Variants in HPSE2 observed in about 807,000 individuals in gnomAD.
HPSE2 encodes inactive heparanase-2.
In HPSE2, 38 loss-of-function variants were observed where a neutral mutation model predicts 60.5. The ratio of observed to expected loss-of-function variants is 0.63; its 90% CI spans 0.48 to 0.82. The LOEUF (loss-of-function observed/expected upper bound fraction) is 0.82. Ranked by LOEUF, HPSE2 falls within the 40% of genes least tolerant of loss-of-function variation. HPSE2 has a pLI of 0.00. For synonymous variants in HPSE2, 295 were observed against 293.2 expected, an observed-to-expected ratio of 1.01 and a Z score of -0.06; for missense variants, 713 against 740.4, an observed-to-expected ratio of 0.96 and a Z score of 0.43.
At chr10:98,717,928 G>A (rs11189769) in intron 5 of HPSE2, among the ~76,000 whole-genome samples, 1 of 144,502 alleles carries the variant, frequency 6.9e-6, no homozygotes, top group Non-Finnish European at 1.5e-5. Flanking sequence ...TAGAGGTATA[G>A]GTTTTTCTCT....
chr10:98,755,923 G>A (rs1489013439), intron 3 of HPSE2, among the ~76,000 whole-genome samples: 7 of 152,128 alleles, frequency 4.6e-5, no homozygotes, highest in Non-Finnish European at 1.5e-5. Flanking sequence ...TTGAACCAGG[G>A]AGTTGGAGGT....
At chr10:99,170,551 G>A (rs565787207) in intron 2 of HPSE2, among the ~76,000 whole-genome samples, 1 of 152,266 alleles carries the variant, frequency 6.6e-6, no homozygotes, top group African/African-American at 2.4e-5. Flanking sequence ...CCTCCTCATA[G>A]TATTGACCAC....
intron 3 of HPSE2, among the ~76,000 whole-genome samples, chr10:99,055,534 A>G (rs541905956): frequency 6.6e-6 from 1 of 152,308 alleles, no homozygotes; most frequent in South Asian, 2.1e-4. Flanking sequence ...AGCTGATAAA[A>G]TATTGGAAAA....
intron 2 of HPSE2, among the ~76,000 whole-genome samples, chr10:99,166,829 A>G (rs1847097821): frequency 6.6e-6 from 1 of 151,468 alleles, no homozygotes; most frequent in African/African-American, 2.4e-5. Context: ...GCCTGGTGAC[A>G]GAGTGAGACT....
chr10:99,191,736 C>T (rs1010492053), intron 2 of HPSE2, among the ~76,000 whole-genome samples: 5 of 152,306 alleles, frequency 3.3e-5, no homozygotes, highest in Middle Eastern at 3.4e-3. Context: ...ACATCCACAA[C>T]CATCAACAAC....
intron 3 of HPSE2, among the ~76,000 whole-genome samples, chr10:98,977,668 CTGTCTTCCATAG>C (rs1956115642): frequency 6.6e-6 from 1 of 152,098 alleles, no homozygotes; most frequent in African/African-American, 2.4e-5. Flanking sequence ...GATATAAACA[CTGTCTTCCATAG>C]TGTCTTCCAT....
At chr10:98,877,789 T>C (rs757610536) in intron 3 of HPSE2, among the ~76,000 whole-genome samples, 8 of 151,890 alleles carry the variant, frequency 5.3e-5, no homozygotes, top group Non-Finnish European at 1.2e-4. Flanking sequence ...GTAGCAGATA[T>C]GCAATGAGGG....
chr10:98,708,118 T>G (rs1317565968), intron 5 of HPSE2, among the ~76,000 whole-genome samples: 1 of 152,196 alleles, frequency 6.6e-6, no homozygotes, highest in Non-Finnish European at 1.5e-5. Context: ...TAATATTCTG[T>G]ATAAGAAATC....
intron 3 of HPSE2, among the ~76,000 whole-genome samples, chr10:99,044,499 C>A (rs1957811084): frequency 6.6e-6 from 1 of 152,160 alleles, no homozygotes; most frequent in Non-Finnish European, 1.5e-5. Context: ...CAAAATCTCA[C>A]ATTTCAAAAG....
intron 11 of HPSE2, among the ~76,000 whole-genome samples, chr10:98,473,808 T>C (rs923453001): frequency 1.8e-4 from 27 of 152,188 alleles, no homozygotes; most frequent in African/African-American, 6.5e-4. Context: ...TGGAGGCTCT[T>C]TCCTACAATC....
intron 3 of HPSE2, among the ~76,000 whole-genome samples, chr10:98,819,160 G>C (rs548646395): frequency 1.2e-4 from 18 of 152,270 alleles, no homozygotes; most frequent in Middle Eastern, 6.8e-3. Context: ...CTTATAGACT[G>C]AGGGTGCTCC....
At chr10:99,077,962 C>A (rs1015975086) in intron 3 of HPSE2, among the ~76,000 whole-genome samples, 9 of 152,026 alleles carry the variant, frequency 5.9e-5, no homozygotes, top group African/African-American at 2.2e-4. Context: ...TGAGTGAATT[C>A]TTGCTCTCAG....
chr10:99,174,236 A>G (rs1199360444), intron 2 of HPSE2, among the ~76,000 whole-genome samples: 1 of 152,222 alleles, frequency 6.6e-6, no homozygotes, highest in Non-Finnish European at 1.5e-5. Context: ...TTATTTCTTC[A>G]GACCTTATTA....
intron 3 of HPSE2, among the ~76,000 whole-genome samples, chr10:98,824,092 T>C (rs1334157038): frequency 6.6e-6 from 1 of 152,140 alleles, no homozygotes. Context: ...CAAACAATAG[T>C]TCAAAAGGGA....
intron 3 of HPSE2, among the ~76,000 whole-genome samples, chr10:99,113,883 T>C (rs926922488): frequency 9.9e-5 from 15 of 152,156 alleles, no homozygotes; most frequent in Non-Finnish European, 2.2e-4. Context: ...TTTTACCTCA[T>C]TACATGGCTG....
chr10:98,985,976 A>T (rs1036014458), intron 3 of HPSE2, among the ~76,000 whole-genome samples: 3 of 152,214 alleles, frequency 2.0e-5, no homozygotes, highest in African/African-American at 7.2e-5. Flanking sequence ...ACACAGGAGC[A>T]CCCAGATTCA....
At chr10:98,813,650 A>C (rs1951218214) in intron 3 of HPSE2, among the ~76,000 whole-genome samples, 1 of 152,228 alleles carries the variant, frequency 6.6e-6, no homozygotes, top group Admixed American at 6.5e-5. Context: ...CATGGGTTCC[A>C]AATTACTATT....
At chr10:99,228,850 T>C (rs1199498052) in intron 2 of HPSE2, among the ~76,000 whole-genome samples, 1 of 152,118 alleles carries the variant, frequency 6.6e-6, no homozygotes, top group African/African-American at 2.4e-5. Flanking sequence ...AATTGCATTA[T>C]TAATTCATGG....
chr10:98,513,545 C>A (rs1942492051), intron 9 of HPSE2, among the ~76,000 whole-genome samples: 1 of 152,142 alleles, frequency 6.6e-6, no homozygotes, highest in Non-Finnish European at 1.5e-5. Flanking sequence ...CAAGTGAAAG[C>A]AATCATAAAC....
Sources: gnomAD v4.1 joint callset for allele counts (sites outside exome capture counted in the v4.1 genomes callset) on GRCh38, gnomAD v4.1.1 for gene constraint, MANE v1.5 for transcripts, NCBI Gene and HGNC (gene_info 2026-07-23, HGNC 2026-07-21) for gene names.